The following MCU variants were observed in gnomAD, a reference collection of about 807,000 sequenced individuals.
MCU encodes the protein mitochondrial calcium uniporter.
MCU carries 12 observed loss-of-function variants against 45.2 expected under a neutral mutation model. That is an observed-to-expected ratio of 0.27 (90% CI 0.17 to 0.43). The LOEUF is 0.43. Among genes scored for constraint, MCU ranks in the 20% least tolerant of loss-of-function variants. The pLI, the probability that MCU is intolerant of heterozygous loss-of-function variation, is 1.00. For missense variants in MCU, 324 were observed against 436.7 expected, an observed-to-expected ratio of 0.74 and a Z score of 2.30; for synonymous variants, 160 against 165.1, an observed-to-expected ratio of 0.97 and a Z score of 0.24.
chr10:72,866,034 C>G (rs1450196616), intron 4 of MCU, among the ~76,000 whole-genome samples: 1 of 152,188 alleles, frequency 6.6e-6, no homozygotes, highest in African/African-American at 2.4e-5. Flanking sequence ...TCCTTGGCCT[C>G]CCAAAGTGCT....
chr10:72,840,798 A>AT (rs1276150269), intron 2 of MCU, among the ~76,000 whole-genome samples: 4 of 152,062 alleles, frequency 2.6e-5, no homozygotes, highest in Non-Finnish European at 5.9e-5. Context: ...AACAGTTCAG[A>AT]TTTTTTTTGT....
At chr10:72,810,057 G>C (rs1844515630) in intron 1 of MCU, among the ~76,000 whole-genome samples, 1 of 151,942 alleles carries the variant, frequency 6.6e-6, no homozygotes, top group African/African-American at 2.4e-5. Context: ...TGTGTATGGG[G>C]GTGGACATAG....
At chr10:72,859,481 G>A in intron 3 of MCU, 134 bp downstream of exon 3, 1 of 687,110 alleles carries the variant, frequency 1.5e-6, no homozygotes, top group Non-Finnish European at 2.3e-6. Flanking sequence ...TTTTTCTTTT[G>A]CTTAGCACTT....
chr10:72,761,067 A>C (rs1406813843), intron 1 of MCU, among the ~76,000 whole-genome samples: 2 of 152,178 alleles, frequency 1.3e-5, no homozygotes, highest in African/African-American at 4.8e-5. Context: ...GTTGGAAAAA[A>C]ATTGTAGACT....
intron 1 of MCU, among the ~76,000 whole-genome samples, chr10:72,801,987 A>G (rs1020174632): frequency 6.6e-6 from 1 of 152,050 alleles, no homozygotes; most frequent in African/African-American, 2.4e-5. Context: ...GTAACTCTTA[A>G]TTGTGTTTTT....
At chr10:72,696,940 A>T (rs578184456) in intron 1 of MCU, among the ~76,000 whole-genome samples, 1 of 152,222 alleles carries the variant, frequency 6.6e-6, no homozygotes, top group South Asian at 2.1e-4. Context: ...AAGAGTTGGT[A>T]CCATTGGATT....
chr10:72,860,617 C>T lies in MCU; in HGVS notation c.496+90C>T. The T allele has an allele frequency of 3.1e-6, 3 of 976,502 alleles. No homozygotes were observed. The South Asian group carries it at 4.1e-5, about 13-fold the overall frequency. The allele number at this position is 976,502 out of a possible 1,614,324, so 60.5% of individuals were successfully genotyped here. A position where few individuals can be genotyped will look rare whatever the true frequency, so the allele number is the denominator to read the frequency against. On this transcript the variant is annotated intron_variant, in intron 4 of 7. Coordinates refer to ENST00000373053, the MANE Select transcript of MCU (RefSeq NM_138357.3). ...TTTTTCCTTGGGTAACCTTGAGAAA[C>T]AGACAGTATTCAAAGAACACTGAAA...
chr10:72,697,089 A>C (rs1842696737), intron 1 of MCU, among the ~76,000 whole-genome samples: 1 of 152,142 alleles, frequency 6.6e-6, no homozygotes, highest in Non-Finnish European at 1.5e-5. Flanking sequence ...GTTCTGGATA[A>C]ATATGTTTAA....
At chr10:72,867,854 CAAAAAAAAAAA>C (rs777086421) in intron 4 of MCU, among the ~76,000 whole-genome samples, 8 of 62,874 alleles carry the variant, frequency 1.3e-4, no homozygotes, top group African/African-American at 4.3e-4. Flanking sequence ...GACTTTGTCT[CAAAAAAAAAAA>C]AAAAAAAAGA....
chr10:72,858,384 C>T (rs1393246109), intron 2 of MCU, among the ~76,000 whole-genome samples: 1 of 152,184 alleles, frequency 6.6e-6, no homozygotes, highest in Admixed American at 6.5e-5. Flanking sequence ...TGCGCATTCT[C>T]TGTAGACTGG....
intron 1 of MCU, among the ~76,000 whole-genome samples, chr10:72,808,189 A>G (rs1006571475): frequency 8.5e-5 from 13 of 152,180 alleles, no homozygotes; most frequent in South Asian, 2.1e-4. Flanking sequence ...TCCACCTGCT[A>G]TCTTTGAAAC....
chr10:72,785,451 C>G (rs1336458176), intron 1 of MCU, among the ~76,000 whole-genome samples: 1 of 152,110 alleles, frequency 6.6e-6, no homozygotes, highest in African/African-American at 2.4e-5. Flanking sequence ...TCCTAAAGTT[C>G]AAAAACATTC....
intron 6 of MCU, among the ~76,000 whole-genome samples, chr10:72,880,669 G>T (rs987690816): frequency 6.6e-6 from 1 of 152,114 alleles, no homozygotes; most frequent in African/African-American, 2.4e-5. Context: ...AAAAGACTAA[G>T]AAAAGCCATT....
intron 1 of MCU, among the ~76,000 whole-genome samples, chr10:72,707,239 C>T (rs1842833731): frequency 6.7e-6 from 1 of 148,272 alleles, no homozygotes; most frequent in Admixed American, 6.8e-5. Flanking sequence ...TGCTATGTCA[C>T]CCATGCTGGA....
intron 4 of MCU, among the ~76,000 whole-genome samples, chr10:72,862,946 A>G (rs561092942): frequency 9.2e-5 from 14 of 152,046 alleles, no homozygotes; most frequent in Non-Finnish European, 2.1e-4. Flanking sequence ...AATTGGGTCT[A>G]ACATAGAAAA....
intron 1 of MCU, among the ~76,000 whole-genome samples, chr10:72,799,148 A>C (rs1409091868): frequency 6.6e-6 from 1 of 150,388 alleles, no homozygotes; most frequent in Non-Finnish European, 1.5e-5. Context: ...CTGGTCTCGA[A>C]CTCCTGACCT....
At chr10:72,851,830 G>A (rs1348987785) in intron 2 of MCU, among the ~76,000 whole-genome samples, 1 of 152,074 alleles carries the variant, frequency 6.6e-6, no homozygotes, top group South Asian at 2.1e-4. Context: ...TTTATTTTGG[G>A]GGAAGGCATA....
intron 1 of MCU, among the ~76,000 whole-genome samples, chr10:72,763,103 T>C (rs149622973): frequency 8.9e-4 from 136 of 152,318 alleles, no homozygotes; most frequent in East Asian, 8.1e-3. Flanking sequence ...GAACAGGTTT[T>C]CTGATTTTAA....
chr10:72,858,336 GCATCAAAAGAT>G (rs1845324878), intron 2 of MCU, among the ~76,000 whole-genome samples: 1 of 152,164 alleles, frequency 6.6e-6, no homozygotes, highest in African/African-American at 2.4e-5. Flanking sequence ...CAGCTCTCTG[GCATCAAAAGAT>G]GAAGCAGAGG....
Sources: allele counts gnomAD v4.1 joint callset (sites outside exome capture counted in the v4.1 genomes callset), GRCh38; gene constraint gnomAD v4.1.1; transcripts MANE v1.5; gene names NCBI Gene and HGNC (gene_info 2026-07-23, HGNC 2026-07-21).